VGLL4: variants seen among roughly 807,000 people sequenced by gnomAD.
VGLL4 encodes transcription cofactor vestigial-like protein 4.
In VGLL4, 7 loss-of-function variants were observed where a neutral mutation model predicts 21.0. The observed-to-expected ratio is 0.33, with a 90% CI of 0.19 to 0.63. The LOEUF (loss-of-function observed/expected upper bound fraction) is 0.63, where lower values mean the gene tolerates loss of function less well. Among genes scored for constraint, VGLL4 ranks in the 20% least tolerant of loss-of-function variants. The pLI is 0.78. For missense variants in VGLL4, 394 were observed against 425.7 expected (o/e 0.93, Z 0.66); for synonymous variants, 222 against 173.2 (o/e 1.28, Z -2.21).
At chr3:11,701,759 C>G (rs994274310) in intron 2 of VGLL4, among the ~76,000 whole-genome samples, 1 of 152,198 alleles carries the variant, frequency 6.6e-6, no homozygotes, top group Non-Finnish European at 1.5e-5. Context: ...AAGGACTAAA[C>G]TGGAAAGAGC....
At chr3:11,718,694 A>G (rs1377060692) in intron 1 of VGLL4, among the ~76,000 whole-genome samples, 3 of 152,138 alleles carry the variant, frequency 2.0e-5, no homozygotes, top group Admixed American at 6.5e-5. Context: ...CAAGATATTA[A>G]AACTCCACAA....
rs551391385 is a variant in VGLL4 at position 11,700,779 on chromosome 3, T to C, written c.64+2192A>G. On this transcript the variant is annotated intron_variant, in intron 2 of 5. Coordinates refer to the VGLL4 transcript ENST00000273038. ...GTAGAAAGTCATATTTCTTGCAATC[T>C]TAGAGGAATAAAGGAGTTTTGTTGT... 5.3e-5 allele frequency among the ~76,000 whole-genome samples: 8 copies of C among 152,280 alleles called. No homozygotes were observed. In the South Asian group the frequency reaches 1.7e-3, roughly 32 times the overall value.
intron 2 of VGLL4, among the ~76,000 whole-genome samples, chr3:11,566,596 C>G (rs1297450692): frequency 6.6e-6 from 1 of 152,198 alleles, no homozygotes; most frequent in East Asian, 1.9e-4. Flanking sequence ...TTCCGTAGTT[C>G]CAACCATCTA....
At chr3:11,696,602 T>C (rs1481015276) in intron 2 of VGLL4, among the ~76,000 whole-genome samples, 3 of 152,224 alleles carry the variant, frequency 2.0e-5, no homozygotes, top group Non-Finnish European at 4.4e-5. Flanking sequence ...AAACTGTCGG[T>C]TCCAATGTGT....
intron 2 of VGLL4, among the ~76,000 whole-genome samples, chr3:11,569,737 C>T (rs2125158271): frequency 6.6e-6 from 1 of 152,280 alleles, no homozygotes; most frequent in South Asian, 2.1e-4. Context: ...AGACTGCTGG[C>T]TGGGCATGGT....
chr3:11,670,223 C>T (rs1462829072), intron 2 of VGLL4, among the ~76,000 whole-genome samples: 2 of 151,948 alleles, frequency 1.3e-5, no homozygotes, highest in Admixed American at 1.3e-4. Flanking sequence ...ACTTGAGGCA[C>T]CTCCAGTGTT....
intron 2 of VGLL4, among the ~76,000 whole-genome samples, chr3:11,595,550 A>G (rs1338059098): frequency 1.7e-4 from 26 of 151,844 alleles, no homozygotes; most frequent in African/African-American, 3.9e-4. Context: ...TGTTTATTGC[A>G]GCACTATTCA....
chr3:11,587,397 G>C (rs953479846), intron 2 of VGLL4, among the ~76,000 whole-genome samples: 1 of 152,210 alleles, frequency 6.6e-6, no homozygotes, highest in African/African-American at 2.4e-5. Context: ...TTCTATCACT[G>C]GACGTAACTT....
At chr3:11,709,145 A>G (rs540458169) in intron 1 of VGLL4, among the ~76,000 whole-genome samples, 1 of 152,100 alleles carries the variant, frequency 6.6e-6, no homozygotes, top group African/African-American at 2.4e-5. Flanking sequence ...GCTCTAGAAA[A>G]AGATACAGAG....
intron 1 of VGLL4, among the ~76,000 whole-genome samples, chr3:11,709,802 C>T (rs1357507017): frequency 6.6e-6 from 1 of 152,106 alleles, no homozygotes; most frequent in Non-Finnish European, 1.5e-5. Flanking sequence ...TTTTGGCCTT[C>T]CACAAAGAAC....
At chr3:11,664,016 C>T (rs114897457) in intron 2 of VGLL4, among the ~76,000 whole-genome samples, 1 of 152,108 alleles carries the variant, frequency 6.6e-6, no homozygotes, top group Non-Finnish European at 1.5e-5. Context: ...TTTTGGGAGT[C>T]CAAGGCGGGA....
intron 4 of VGLL4, 121 bp downstream of exon 4, chr3:11,559,211 C>CTT (rs1321412825): frequency 7.0e-7 from 1 of 1,422,642 alleles, no homozygotes; most frequent in East Asian, 2.5e-5. Flanking sequence ...TCAAGAAATA[C>CTT]TTTTTCAACC....
At chr3:11,599,396 T>C (rs1417962047) in intron 2 of VGLL4, among the ~76,000 whole-genome samples, 1 of 151,162 alleles carries the variant, frequency 6.6e-6, no homozygotes, top group Admixed American at 6.6e-5. Flanking sequence ...TGCATAATAA[T>C]GTCAATTGTG....
chr3:11,606,413 C>T (rs543693520), intron 1 of VGLL4, among the ~76,000 whole-genome samples: 1 of 152,168 alleles, frequency 6.6e-6, no homozygotes, highest in Admixed American at 6.5e-5. Flanking sequence ...TGGCTATGAT[C>T]AAAAGACAAT....
chr3:11,711,296 T>C (rs907885659), intron 1 of VGLL4, among the ~76,000 whole-genome samples: 1 of 151,934 alleles, frequency 6.6e-6, no homozygotes, highest in Non-Finnish European at 1.5e-5. Context: ...TCCCAGCACT[T>C]TGGGAGGCTG....
chr3:11,668,276 C>G (rs1219829418), intron 2 of VGLL4, among the ~76,000 whole-genome samples: 5 of 152,176 alleles, frequency 3.3e-5, no homozygotes, highest in Non-Finnish European at 7.4e-5. Flanking sequence ...TTTCAAATGT[C>G]AAAACAACTT....
At chr3:11,608,264 T>A (rs1172565726) in intron 1 of VGLL4, among the ~76,000 whole-genome samples, 2 of 152,254 alleles carry the variant, frequency 1.3e-5, no homozygotes, top group Admixed American at 1.3e-4. Flanking sequence ...ACTAAAGAAG[T>A]TTTATTTTTT....
At chr3:11,682,594 T>C (rs1024854033) in intron 2 of VGLL4, among the ~76,000 whole-genome samples, 2 of 151,926 alleles carry the variant, frequency 1.3e-5, no homozygotes, top group African/African-American at 4.8e-5. Context: ...AATATAACTT[T>C]CTCTGATGCT....
chr3:11,622,541 A>C (rs906433404), intron 1 of VGLL4, among the ~76,000 whole-genome samples: 1 of 152,220 alleles, frequency 6.6e-6, no homozygotes, highest in African/African-American at 2.4e-5. Context: ...ATGCTCCTCA[A>C]TTGTTTCCGT....
Sources: gnomAD v4.1 joint callset for allele counts (sites outside exome capture counted in the v4.1 genomes callset) on GRCh38, gnomAD v4.1.1 for gene constraint, MANE v1.5 for transcripts, NCBI Gene and HGNC (gene_info 2026-07-23, HGNC 2026-07-21) for gene names.